The following HS3ST3A1 variants were observed in gnomAD, a reference collection of about 807,000 sequenced individuals.
The protein encoded by HS3ST3A1 is heparan sulfate glucosamine 3-O-sulfotransferase 3A1.
In HS3ST3A1, 19 loss-of-function variants were observed where a neutral mutation model predicts 25.7. The ratio of observed to expected loss-of-function variants is 0.74; its 90% CI spans 0.52 to 1.08. The LOEUF (loss-of-function observed/expected upper bound fraction) is 1.08, where lower values mean the gene tolerates loss of function less well. Ranked by LOEUF, HS3ST3A1 falls within the 50% of genes least tolerant of loss-of-function variation. The pLI is 0.00. For missense variants in HS3ST3A1, 459 were observed against 594.3 expected (o/e 0.77, Z 2.37); for synonymous variants, 226 against 278.6 (o/e 0.81, Z 1.88).
intron 1 of HS3ST3A1, among the ~76,000 whole-genome samples, chr17:13,564,826 T>A (rs1907637370): frequency 6.7e-6 from 1 of 150,268 alleles, no homozygotes; most frequent in Non-Finnish European, 1.5e-5. Flanking sequence ...CGAGTTCAAA[T>A]GATTCTTATG....
intron 1 of HS3ST3A1, among the ~76,000 whole-genome samples, chr17:13,512,073 A>G (rs1905880145): frequency 6.6e-6 from 1 of 152,200 alleles, no homozygotes. Context: ...TTTAAACTGC[A>G]TGATCCCTGA....
At chr17:13,522,079 A>G (rs977427259) in intron 1 of HS3ST3A1, among the ~76,000 whole-genome samples, 1 of 152,224 alleles carries the variant, frequency 6.6e-6, no homozygotes, top group Non-Finnish European at 1.5e-5. Flanking sequence ...ATTGCCACCA[A>G]CATTTAATTT....
intron 1 of HS3ST3A1, among the ~76,000 whole-genome samples, chr17:13,533,384 G>A (rs1357764739): frequency 1.3e-5 from 2 of 151,848 alleles, no homozygotes; most frequent in African/African-American, 4.8e-5. Context: ...AAAAGGAAAT[G>A]TCATCGTCCT....
Position 13,601,199 on chromosome 17 carries a change from T to A in HS3ST3A1, c.-70A>T. On this transcript the variant is annotated 5_prime_UTR_variant, in exon 1 of 2. It removes an upstream start codon present in the reference 5' UTR. Coordinates refer to ENST00000284110, the MANE Select transcript of HS3ST3A1 (RefSeq NM_006042.3). ...CTGGACCCCGACAGGTGCCAGAGCA[T>A]CCCCCCGGCGGGCCAGCGCGCTGGA... 8.2e-7 allele frequency: 1 copy of A among 1,219,106 alleles called. No individual in the cohort carries two copies. Among genetic ancestry groups the A allele is most frequent in the African/African-American group, 1.6e-5 (1 of 62,020 alleles). 75.5% of individuals were successfully genotyped at this position (1,219,106 alleles called of 1,614,324 possible).
chr17:13,521,526 TC>T (rs1201367704), intron 1 of HS3ST3A1, among the ~76,000 whole-genome samples: 29 of 152,102 alleles, frequency 1.9e-4, no homozygotes, highest in African/African-American at 6.8e-4. Context: ...ACAGCTAATC[TC>T]CCCGAGTGAT....
At chr17:13,511,217 A>G (rs1905849241) in intron 1 of HS3ST3A1, among the ~76,000 whole-genome samples, 1 of 152,228 alleles carries the variant, frequency 6.6e-6, no homozygotes, top group Non-Finnish European at 1.5e-5. Context: ...CAGCATCAGC[A>G]TAGTGCAACC....
At chr17:13,510,074 G>T (rs1905811785) in intron 1 of HS3ST3A1, among the ~76,000 whole-genome samples, 1 of 152,196 alleles carries the variant, frequency 6.6e-6, no homozygotes, top group South Asian at 2.1e-4. Context: ...AGCCTACCTG[G>T]TTCTCAGGTC....
At chr17:13,562,988 T>A (rs896400773) in intron 1 of HS3ST3A1, among the ~76,000 whole-genome samples, 2 of 151,478 alleles carry the variant, frequency 1.3e-5, no homozygotes, top group Non-Finnish European at 2.9e-5. Context: ...TTCATTGGGG[T>A]AAAGAAATTG....
chr17:13,523,411 G>A (rs73982026), intron 1 of HS3ST3A1, among the ~76,000 whole-genome samples: 30 of 152,292 alleles, frequency 2.0e-4, no homozygotes, highest in Admixed American at 1.0e-3. Context: ...GGAAAATTAC[G>A]AAGACAGAGG....
intron 1 of HS3ST3A1, among the ~76,000 whole-genome samples, chr17:13,545,620 C>T (rs1010905466): frequency 6.6e-6 from 1 of 152,168 alleles, no homozygotes; most frequent in African/African-American, 2.4e-5. Flanking sequence ...CCTGGAGCTG[C>T]GGCTGCATCA....
intron 1 of HS3ST3A1, among the ~76,000 whole-genome samples, chr17:13,596,615 A>T (rs1908584727): frequency 1.3e-5 from 2 of 151,986 alleles, no homozygotes; most frequent in South Asian, 4.2e-4. Flanking sequence ...CTAGACTCAG[A>T]GTCCAAAGTA....
intron 1 of HS3ST3A1, among the ~76,000 whole-genome samples, chr17:13,523,432 A>T (rs1906311578): frequency 6.6e-6 from 1 of 152,242 alleles, no homozygotes; most frequent in African/African-American, 2.4e-5. Flanking sequence ...GCAGTGTCAT[A>T]TGGAAGAGGA....
intron 1 of HS3ST3A1, among the ~76,000 whole-genome samples, chr17:13,594,861 CT>C (rs1476550511): frequency 2.6e-5 from 4 of 151,774 alleles, no homozygotes; most frequent in Non-Finnish European, 4.4e-5. Flanking sequence ...GCTGTAGTTT[CT>C]TTTTTAAATT....
intron 1 of HS3ST3A1, among the ~76,000 whole-genome samples, chr17:13,543,871 T>C (rs1907007672): frequency 6.6e-6 from 1 of 152,320 alleles, no homozygotes; most frequent in East Asian, 1.9e-4. Flanking sequence ...CAGGACTCTA[T>C]GATGACTTTT....
chr17:13,578,166 C>A (rs1210153694), intron 1 of HS3ST3A1, among the ~76,000 whole-genome samples: 1 of 151,962 alleles, frequency 6.6e-6, no homozygotes, highest in African/African-American at 2.4e-5. Context: ...AAACATTGAA[C>A]AATAAGGATT....
chr17:13,543,833 C>G (rs1013000687), intron 1 of HS3ST3A1, among the ~76,000 whole-genome samples: 1 of 152,000 alleles, frequency 6.6e-6, no homozygotes, highest in African/African-American at 2.4e-5. Context: ...ATCTGGATTC[C>G]GAAGCATCAC....
At chr17:13,563,325 G>A (rs1019764078) in intron 1 of HS3ST3A1, among the ~76,000 whole-genome samples, 2 of 152,106 alleles carry the variant, frequency 1.3e-5, no homozygotes, top group African/African-American at 4.8e-5. Flanking sequence ...GCTTCCTGCT[G>A]CAGAAGGGAC....
chr17:13,573,672 C>G (rs1907874821), intron 1 of HS3ST3A1, among the ~76,000 whole-genome samples: 1 of 152,160 alleles, frequency 6.6e-6, no homozygotes, highest in Non-Finnish European at 1.5e-5. Flanking sequence ...TGACTGAGCT[C>G]AATGTTGAGT....
intron 1 of HS3ST3A1, among the ~76,000 whole-genome samples, chr17:13,568,786 C>A (rs1433976971): frequency 6.6e-6 from 1 of 152,100 alleles, no homozygotes; most frequent in Non-Finnish European, 1.5e-5. Flanking sequence ...AAAAATCACT[C>A]GGAACAGCTT....
Sources: gnomAD v4.1 joint callset for allele counts (sites outside exome capture counted in the v4.1 genomes callset) on GRCh38, gnomAD v4.1.1 for gene constraint, MANE v1.5 for transcripts, NCBI Gene and HGNC (gene_info 2026-07-23, HGNC 2026-07-21) for gene names.